SELP: variants seen among roughly 807,000 people sequenced by gnomAD.
The protein encoded by SELP is P-selectin.
SELP carries 92 observed loss-of-function variants against 104.1 expected under a neutral mutation model. The observed-to-expected ratio is 0.88, with a 90% CI of 0.75 to 1.05. The LOEUF is 1.05. Among genes scored for constraint, SELP ranks in the 50% least tolerant of loss-of-function variants. SELP has a pLI of 0.00. For missense variants in SELP, 1,022 were observed against 1,017.3 expected (o/e 1.00, Z -0.06); for synonymous variants, 397 against 364.5 (o/e 1.09, Z -1.01).
At chr1:169,624,232 C>T (rs1248451549) in intron 1 of SELP, among the ~76,000 whole-genome samples, 4 of 152,166 alleles carry the variant, frequency 2.6e-5, no homozygotes, top group Non-Finnish European at 5.9e-5. Flanking sequence ...GCATTATAGT[C>T]TGCAGGATGC....
chr1:169,620,949 CTGTGTGTGTGTGTG>C (rs57455285), intron 1 of SELP, among the ~76,000 whole-genome samples: 2 of 77,026 alleles, frequency 2.6e-5, no homozygotes, highest in African/African-American at 5.5e-5. Flanking sequence ...GTGTGGGGTT[CTGTGTGTGTGTGTG>C]TGTGTGTGTG....
At chr1:169,623,283 G>A (rs906017781) in intron 1 of SELP, among the ~76,000 whole-genome samples, 53 of 152,216 alleles carry the variant, frequency 3.5e-4, no homozygotes, top group African/African-American at 1.2e-3. Flanking sequence ...AGTATTTCTA[G>A]GGATTTCCCT....
intron 10 of SELP, among the ~76,000 whole-genome samples, chr1:169,597,761 T>A (rs1250547590): frequency 1.3e-5 from 2 of 152,216 alleles, no homozygotes; most frequent in African/African-American, 4.8e-5. Flanking sequence ...CAAGATAGAT[T>A]AGTTTCTTGG....
chr1:169,591,652 A>G (rs752386581), intron 14 of SELP, 196 bp from the exon 15 acceptor site: 43 of 421,432 alleles, frequency 1.0e-4, no homozygotes, highest in Non-Finnish European at 1.7e-4. Context: ...ATTCGACAAT[A>G]TTTAACTCCA....
intron 1 of SELP, among the ~76,000 whole-genome samples, chr1:169,621,524 G>A (rs987001091): frequency 1.1e-4 from 16 of 148,886 alleles, no homozygotes; most frequent in African/African-American, 2.2e-4. Context: ...TATGTGTCAC[G>A]CCCAGTAGGG....
At chr1:169,596,917 G>T in intron 11 of SELP, 74 bp downstream of exon 11, 1 of 1,372,868 alleles carries the variant, frequency 7.3e-7, no homozygotes, top group Non-Finnish European at 9.9e-7. Context: ...TCACATATAA[G>T]AACTAGATAA....
intron 8 of SELP, 65 bp downstream of exon 8, chr1:169,609,439 A>T: frequency 6.9e-7 from 1 of 1,450,188 alleles, no homozygotes; most frequent in Non-Finnish European, 9.4e-7. Context: ...GCCAATGCTC[A>T]GTGCAGATGC....
intron 11 of SELP, 58 bp from the exon 12 acceptor site, chr1:169,596,192 A>T: frequency 2.7e-6 from 4 of 1,459,018 alleles, no homozygotes; most frequent in South Asian, 1.2e-5. Context: ...GCGTTAACAG[A>T]GTTAAGGCTA....
intron 6 of SELP, 28 bp from the exon 7 acceptor site, chr1:169,611,705 A>C: frequency 1.9e-6 from 3 of 1,599,516 alleles, no homozygotes; most frequent in Non-Finnish European, 2.6e-6. Context: ...GGATAAAGAG[A>C]AAGATACTGA....
At chr1:169,612,706 C>T (rs1028135610) in intron 5 of SELP, among the ~76,000 whole-genome samples, 3 of 151,834 alleles carry the variant, frequency 2.0e-5, no homozygotes, top group African/African-American at 7.2e-5. Flanking sequence ...TTTTTGCCTG[C>T]GAATCAACAA....
At position 169,589,243 on chromosome 1, in the gene SELP, G is replaced by C. The variant is rs953444509; in HGVS notation, c.*220C>G. On this transcript the variant is annotated 3_prime_UTR_variant, in exon 17 of 17. Coordinates refer to ENST00000263686, the MANE Select transcript of SELP (RefSeq NM_003005.4). ...TATTTCAAGTAACAGGTGAGTCAAA[G>C]CACAGAGACTACTGCAGAAACATTT... 6.6e-6 allele frequency: 1 copy of C among 152,214 alleles called. No homozygotes were observed. Among genetic ancestry groups the C allele is most frequent in the African/African-American group, 2.4e-5 (1 of 41,430 alleles). The allele number at this position is 152,214 out of a possible 1,614,324, so 9.4% of individuals were successfully genotyped here.
At chr1:169,611,710 T>C (rs1343645802) in intron 6 of SELP, 33 bp from the exon 7 acceptor site, 1 of 1,592,250 alleles carries the variant, frequency 6.3e-7, no homozygotes, top group East Asian at 2.2e-5. Flanking sequence ...AAGAGAAAGA[T>C]ACTGAGAAAG....
intron 5 of SELP, among the ~76,000 whole-genome samples, 180 bp from the exon 6 acceptor site, chr1:169,612,582 T>C (rs1172070539): frequency 6.6e-6 from 1 of 152,214 alleles, no homozygotes; most frequent in South Asian, 2.1e-4. Flanking sequence ...TTGTTTTTCA[T>C]GTAGAGAAGT....
rs1183429444 is a variant in SELP at position 169,596,122 on chromosome 1, A to G, written c.1904T>C (p.Leu635Pro). The change falls in exon 12 of 17, where the codon CTT (leucine) becomes CCT (proline). Residue 635 changes from leucine (L) to proline (P), a missense_variant. Transcript: ENST00000263686. ...TPPTCKGIASLPTPGVQCPAL... is the reference protein window; with the variant it reads ...TPPTCKGIASPPTPGVQCPAL... ...TGGACATTGCACCCCTGGAGTAGGA[A>G]GTGATGCTATGCCTGTTGTGAGAAA... 1 of 1,613,508 alleles carries G rather than the reference A, an allele frequency of 6.2e-7. No homozygotes were observed. Among genetic ancestry groups the G allele is most frequent in the African/African-American group, 1.3e-5 (1 of 74,886 alleles).
intron 5 of SELP, among the ~76,000 whole-genome samples, chr1:169,612,654 A>T (rs753436385): frequency 3.3e-5 from 5 of 152,134 alleles, no homozygotes; most frequent in Admixed American, 3.3e-4. Context: ...TACTCTGTTT[A>T]CTTTACAATT....
In SELP at chr1:169,611,543, G is replaced by A; in HGVS notation, c.1096C>T (p.Leu366Phe). The change falls in exon 7 of 17, where the codon CTC becomes TTC. Residue 366 changes from leucine to phenylalanine, a missense_variant. Coordinates refer to ENST00000263686, the MANE Select transcript of SELP (RefSeq NM_003005.4). ...CAGTGTCCAGAGTCAATGCAGCGGAGCATGTCCAAGCCCCTCACTCTGTAG... is the reference window on the plus strand; with the variant it reads ...CAGTGTCCAGAGTCAATGCAGCGGAACATGTCCAAGCCCCTCACTCTGTAG... ...PGYRVRGLDMLRCIDSGHWSA... is the reference protein window; with the variant it reads ...PGYRVRGLDMFRCIDSGHWSA... 1 of 1,614,098 alleles carries A rather than the reference G, an allele frequency of 6.2e-7. No homozygotes were observed. The highest frequency in any genetic ancestry group is 8.5e-7 in the Non-Finnish European group (1 of 1,179,996).
At chr1:169,613,554 C>T (rs763638680) in intron 4 of SELP, 32 bp downstream of exon 4, 5 of 1,566,790 alleles carry the variant, frequency 3.2e-6, no homozygotes, top group Non-Finnish European at 3.5e-6. Context: ...TAGCATAAAA[C>T]CAAAATAATA....
chr1:169,609,533 T>A lies in SELP; in HGVS notation c.1304A>T (p.Gln435Leu). 1 of 1,613,870 alleles carries A rather than the reference T, an allele frequency of 6.2e-7. No homozygotes were observed. Among genetic ancestry groups the A allele is most frequent in the Non-Finnish European group, 8.5e-7 (1 of 1,179,842 alleles). ...ADIVRCDNLG[Q>L]WTAPAPVCQA... ...ACAGACTGGGGCTGGTGCTGTCCACTGTCCCAAGTTATCACACCGAACTAT... is the reference window on the plus strand; with the variant it reads ...ACAGACTGGGGCTGGTGCTGTCCACAGTCCCAAGTTATCACACCGAACTAT... The change falls in exon 8 of 17, where the codon CAG becomes CTG. Residue 435 changes from glutamine to leucine, a missense_variant. By Grantham distance (113) the Gln-to-Leu change is moderately radical. Coordinates refer to ENST00000263686, the MANE Select transcript of SELP (RefSeq NM_003005.4).
At chr1:169,627,671 T>C (rs1663438979) in intron 1 of SELP, among the ~76,000 whole-genome samples, 1 of 152,238 alleles carries the variant, frequency 6.6e-6, no homozygotes, top group Non-Finnish European at 1.5e-5. Context: ...TTTTATGTAG[T>C]AAGTCATTTT....
Sources: gnomAD v4.1 joint callset for allele counts (sites outside exome capture counted in the v4.1 genomes callset) on GRCh38, gnomAD v4.1.1 for gene constraint, MANE v1.5 for transcripts, NCBI Gene and HGNC (gene_info 2026-07-23, HGNC 2026-07-21) for gene names.